The following NBEAL1 variants were observed in gnomAD, a reference collection of about 807,000 sequenced individuals.
The protein encoded by NBEAL1 is neurobeachin like 1.
NBEAL1 carries 273 observed loss-of-function variants against 351.3 expected under a neutral mutation model. That is an observed-to-expected ratio of 0.78 (90% CI 0.70 to 0.86). The LOEUF is 0.86. Ranked by LOEUF, NBEAL1 falls within the 40% of genes least tolerant of loss-of-function variation. The pLI is 0.00. For synonymous variants in NBEAL1, 1,050 were observed against 1,086.4 expected (o/e 0.97, Z 0.66); for missense variants, 2,961 against 3,201.3 (o/e 0.92, Z 1.81).
intron 25 of NBEAL1, 86 bp from the exon 26 acceptor site, chr2:203,131,887 A>T: frequency 1.1e-6 from 1 of 939,672 alleles, no homozygotes. Flanking sequence ...ATTAATATTT[A>T]ATGTTAATAA....
chr2:203,015,640 CT>C lies in NBEAL1; in HGVS notation c.-229-513del, dbSNP rs751787017. Among the ~76,000 whole-genome samples the C allele has an allele frequency of 3.9e-5, 6 of 152,118 alleles. No individual in the cohort carries two copies. The East Asian group carries it at 9.7e-4, about 25-fold the overall frequency. On this transcript the variant is annotated intron_variant, in intron 1 of 55. Transcript: ENST00000683969. ...CACGCCCGGCTAATTTTTTGTATTTCTTTAGTAGAGACAGGGGTTCACTGTG... is the reference window on the plus strand; with the variant it reads ...CACGCCCGGCTAATTTTTTGTATTTCTTAGTAGAGACAGGGGTTCACTGTG...
intron 2 of NBEAL1, among the ~76,000 whole-genome samples, chr2:203,033,199 A>G (rs896476209): frequency 6.6e-6 from 1 of 151,854 alleles, no homozygotes; most frequent in African/African-American, 2.4e-5. Context: ...ACGAGGTTTC[A>G]CAGTGTTAGC....
rs1334806986 is a variant in NBEAL1 at position 203,176,933 on chromosome 2, C to G, written c.6464+1646C>G. On this transcript the variant is annotated intron_variant, in intron 42 of 55. Transcript: ENST00000683969. ...TTGGGAGGCCAGGTCAGGTGGATCACTTGAGCCCATGAGTTTGAGATCAGC... is the reference window on the plus strand; with the variant it reads ...TTGGGAGGCCAGGTCAGGTGGATCAGTTGAGCCCATGAGTTTGAGATCAGC... Among the ~76,000 whole-genome samples, 3 of 152,108 alleles carry G rather than the reference C, an allele frequency of 2.0e-5. No individual in the cohort carries two copies. The East Asian group carries it at 5.8e-4, about 29-fold the overall frequency.
At chr2:203,213,930 AT>A in intron 55 of NBEAL1, 2 of 296,350 alleles carry the variant, frequency 6.7e-6, no homozygotes, top group Non-Finnish European at 1.0e-5. Flanking sequence ...CACAACTTAG[AT>A]TTTCAATACA....
rs1164307027 is a variant in NBEAL1, at chr2:203,220,651, T to TA, written c.*3298dup. On this transcript the variant is annotated 3_prime_UTR_variant, in exon 56 of 56. Coordinates refer to ENST00000683969, the MANE Select transcript of NBEAL1 (RefSeq NM_001378026.1). The stretch of plus-strand genomic sequence containing the variant: ...TGAGATCAAGTATTAAAACATGTAA[T>TA]AGCTGTGCACGCTTAGAGAATAAAG... Among the ~76,000 whole-genome samples, 1 of 152,182 alleles carries TA rather than the reference T, an allele frequency of 6.6e-6. No homozygotes were observed. Among genetic ancestry groups the TA allele is most frequent in the Non-Finnish European group, 1.5e-5 (1 of 68,032 alleles).
chr2:203,166,855 T>G (rs1447339224), intron 37 of NBEAL1, among the ~76,000 whole-genome samples: 1 of 152,080 alleles, frequency 6.6e-6, no homozygotes, highest in African/African-American at 2.4e-5. Context: ...GCACCCAACC[T>G]AATATAGTCT....
At chr2:203,016,536 G>T in intron 2 of NBEAL1, 101 bp downstream of exon 2, 3 of 699,392 alleles carry the variant, frequency 4.3e-6, no homozygotes, top group Non-Finnish European at 6.4e-6. Context: ...AGTGTATTTA[G>T]TCATAATGAA....
Position 203,016,408 on chromosome 2 carries a change from T to C in NBEAL1, c.24T>C (p.Phe8=). MASRERL[F]ELWMLYCTKK... is the part of the protein sequence containing the mutation. ...GAATGGCATCCAGAGAGAGGCTCTT[T>C]GAACTTTGGATGCTTTATTGTACAA... The change falls in exon 2 of 56, where the codon TTT becomes TTC. Residue 8 remains phenylalanine, a synonymous_variant. Coordinates refer to ENST00000683969, the MANE Select transcript of NBEAL1 (RefSeq NM_001378026.1). 1.3e-6 allele frequency: 2 copies of C among 1,498,734 alleles called. No individual in the cohort carries two copies. Among genetic ancestry groups the C allele is most frequent in the South Asian group, 1.3e-5 (1 of 76,834 alleles). The allele number at this position is 1,498,734 out of a possible 1,614,324, so 92.8% of individuals were successfully genotyped here.
At chr2:203,077,266 A>G (rs1202827207) in intron 7 of NBEAL1, among the ~76,000 whole-genome samples, 1 of 151,838 alleles carries the variant, frequency 6.6e-6, no homozygotes, top group Non-Finnish European at 1.5e-5. Context: ...GCTACTCCGG[A>G]GGCTGAGGCA....
In NBEAL1 at chr2:203,060,636, C is replaced by T. The variant is rs575259604; in HGVS notation, c.515+3183C>T. Among the ~76,000 whole-genome samples the T allele has an allele frequency of 7.2e-5, 11 of 152,286 alleles. No homozygotes were observed. In the South Asian group the frequency reaches 8.3e-4, roughly 11 times the overall value. ...CATGTAGCATTGCTAAGAGTATCTACGGAATTTTCACATCGATGTTTTCTT... is the reference window on the plus strand; with the variant it reads ...CATGTAGCATTGCTAAGAGTATCTATGGAATTTTCACATCGATGTTTTCTT... On this transcript the variant is annotated intron_variant, in intron 6 of 55. Transcript: ENST00000683969.
At chr2:203,042,348 G>C (rs945304405) in intron 3 of NBEAL1, among the ~76,000 whole-genome samples, 1 of 152,188 alleles carries the variant, frequency 6.6e-6, no homozygotes, top group Non-Finnish European at 1.5e-5. Context: ...CATAGGACAA[G>C]GTGTGGAAGG....
intron 4 of NBEAL1, 173 bp downstream of exon 4, chr2:203,050,148 A>G (rs1227819802): frequency 5.6e-6 from 3 of 537,950 alleles, no homozygotes; most frequent in East Asian, 5.9e-5. Context: ...TGAAGGATGC[A>G]GCAAACCACT....
intron 2 of NBEAL1, among the ~76,000 whole-genome samples, chr2:203,026,876 G>C (rs1225601196): frequency 6.6e-6 from 1 of 152,150 alleles, no homozygotes; most frequent in Non-Finnish European, 1.5e-5. Flanking sequence ...GGAATCAGGT[G>C]TTCCACTTAA....
intron 6 of NBEAL1, among the ~76,000 whole-genome samples, chr2:203,067,736 A>T (rs1574924324): frequency 6.6e-6 from 1 of 152,192 alleles, no homozygotes; most frequent in South Asian, 2.1e-4. Flanking sequence ...TACTAGTTGG[A>T]AGTATCATCA....
intron 10 of NBEAL1, among the ~76,000 whole-genome samples, chr2:203,089,358 C>CAA (rs773856301): frequency 5.8e-4 from 69 of 118,392 alleles, no homozygotes; most frequent in African/African-American, 2.0e-3. Context: ...GACTCCATCT[C>CAA]AAAAAAAAAA....
intron 53 of NBEAL1, among the ~76,000 whole-genome samples, chr2:203,209,713 A>ATGCGTGTGTGTG (rs1553507740): frequency 7.2e-6 from 1 of 138,578 alleles, no homozygotes; most frequent in African/African-American, 2.7e-5. Context: ...TTTAATTAAT[A>ATGCGTGTGTGTG]TGTGTGTGTG....
At chr2:203,070,986 A>G (rs1322736766) in intron 7 of NBEAL1, among the ~76,000 whole-genome samples, 4 of 151,586 alleles carry the variant, frequency 2.6e-5, no homozygotes, top group African/African-American at 9.7e-5. Context: ...CTGGTCTTGA[A>G]CTCCTGGCCT....
chr2:203,149,105 A>G lies in NBEAL1; in HGVS notation c.5419A>G (p.Ile1807Val), dbSNP rs372315613. 4.3e-6 allele frequency: 7 copies of G among 1,610,228 alleles called. No individual in the cohort carries two copies. Among genetic ancestry groups the G allele is most frequent in the Non-Finnish European group, 5.1e-6 (6 of 1,177,638 alleles). ...QLATLRRWKA[I>V]QLYLTCERGP... is the part of the protein sequence containing the mutation. Reference sequence around the variant, plus strand: ...AGCCACTCTTAGACGCTGGAAAGCAATACAGCTCTATCTTACATGTGAAAG... The same window carrying G: ...AGCCACTCTTAGACGCTGGAAAGCAGTACAGCTCTATCTTACATGTGAAAG... The change falls in exon 34 of 56, where the codon ATA becomes GTA. Residue 1807 changes from isoleucine to valine, a missense_variant. By Grantham distance (29) the Ile-to-Val change is conservative. Transcript: ENST00000683969.
At chr2:203,085,897 C>T (rs183719258) in intron 10 of NBEAL1, 4 of 152,096 alleles carry the variant, frequency 2.6e-5, no homozygotes, top group African/African-American at 9.6e-5. Flanking sequence ...AAGTAAGATC[C>T]CACATCAAGC....
Sources: allele counts gnomAD v4.1 joint callset (sites outside exome capture counted in the v4.1 genomes callset), GRCh38; gene constraint gnomAD v4.1.1; transcripts MANE v1.5; gene names NCBI Gene and HGNC (gene_info 2026-07-23, HGNC 2026-07-21).